The following AGAP9 variants were observed in gnomAD, a reference collection of about 807,000 sequenced individuals.
The protein encoded by AGAP9 is ArfGAP with GTPase domain, ankyrin repeat and PH domain 9.
AGAP9 carries 23 observed loss-of-function variants against 55.6 expected under a neutral mutation model. The observed-to-expected ratio is 0.41, with a 90% CI of 0.30 to 0.59. The LOEUF (loss-of-function observed/expected upper bound fraction) is 0.59. Ranked by LOEUF, AGAP9 falls within the 20% of genes least tolerant of loss-of-function variation. The probability of loss-of-function intolerance (pLI) is 0.25; values close to 1 mark genes in which losing one functional copy is unlikely to be tolerated. For missense variants in AGAP9, 309 were observed against 808.1 expected (o/e 0.38, Z 7.49); for synonymous variants, 120 against 305.0 (o/e 0.39, Z 6.32).
In AGAP9 at chr10:47,507,698, C is replaced by G; in HGVS notation, c.498-115G>C. On this transcript the variant is annotated intron_variant, in intron 5 of 7. Transcript: ENST00000452145. ...CTAGCGGCCCTGAAATTCAAATCTT[C>G]TAGTTCAGAACAGTACCATAAGGGC... The G allele has an allele frequency of 1.1e-5, 10 of 877,772 alleles. 2 individuals are homozygous for G. Among genetic ancestry groups the G allele is most frequent in the South Asian group, 1.1e-4 (8 of 70,550 alleles). The allele number at this position is 877,772 out of a possible 1,614,324, so 54.4% of individuals were successfully genotyped here.
At chr10:47,505,404 C>A (rs1278304935) in intron 6 of AGAP9, among the ~76,000 whole-genome samples, 1 of 114,080 alleles carries the variant, frequency 8.8e-6, no homozygotes, top group Admixed American at 9.8e-5. Flanking sequence ...TTCTTAAGAA[C>A]GTCTTTGATG....
At chr10:47,516,201 GA>G (rs1840712983) in intron 4 of AGAP9, among the ~76,000 whole-genome samples, 1 of 70,780 alleles carries the variant, frequency 1.4e-5, no homozygotes, top group South Asian at 5.1e-4. Flanking sequence ...AAGTAACAGA[GA>G]AAATAAAAAA....
At chr10:47,519,456 A>G (rs1840779755) in intron 3 of AGAP9, among the ~76,000 whole-genome samples, 1 of 119,224 alleles carries the variant, frequency 8.4e-6, no homozygotes, top group African/African-American at 3.3e-5. Context: ...CAACAGAGTG[A>G]GACTCCATTT....
At chr10:47,520,795 A>T (rs1393492738) in intron 2 of AGAP9, among the ~76,000 whole-genome samples, 1 of 100,598 alleles carries the variant, frequency 9.9e-6, no homozygotes, top group East Asian at 5.1e-4. Context: ...CAGGTCAGGA[A>T]GTTGAGGCCA....
At chr10:47,519,176 C>G (rs1222532196) in intron 3 of AGAP9, among the ~76,000 whole-genome samples, 1 of 136,342 alleles carries the variant, frequency 7.3e-6, no homozygotes, top group Non-Finnish European at 1.5e-5. Flanking sequence ...ATTTAAAAGG[C>G]TGTGGTACTG....
intron 2 of AGAP9, among the ~76,000 whole-genome samples, chr10:47,522,093 G>A (rs1261327345): frequency 6.7e-5 from 10 of 149,428 alleles, no homozygotes; most frequent in African/African-American, 2.5e-4. Context: ...AGCCAAAACT[G>A]TAACTTTCTT....
rs1317650313 is a variant in AGAP9, at chr10:47,521,012, A to C, written c.293-445T>G. 2.8e-5 allele frequency among the ~76,000 whole-genome samples: 3 copies of C among 108,594 alleles called. No individual in the cohort carries two copies. The East Asian group carries it at 1.3e-3, about 45-fold the overall frequency. The allele number at this position is 108,594 out of a possible 152,430, so 71.2% of individuals were successfully genotyped here. A position where few individuals can be genotyped will look rare whatever the true frequency, so the allele number is the denominator to read the frequency against. ...TTTAAAATTTTTAAAAAGTAAATTCATCATATCTGTCACTTCCATTTCATT... is the reference window on the plus strand; with the variant it reads ...TTTAAAATTTTTAAAAAGTAAATTCCTCATATCTGTCACTTCCATTTCATT... On this transcript the variant is annotated intron_variant, in intron 2 of 7. Coordinates refer to ENST00000452145, the MANE Select transcript of AGAP9 (RefSeq NM_001190810.1).
In AGAP9 at chr10:47,522,031, C is replaced by G. The variant is rs1434124117; in HGVS notation, c.292+835G>C. On this transcript the variant is annotated intron_variant, in intron 2 of 7. Coordinates refer to ENST00000452145, the MANE Select transcript of AGAP9 (RefSeq NM_001190810.1). ...CGAACTCCTGACCTCAGGTGATCCG[C>G]CTGCCACAGCCTCCCAAAGTGCTGG... Among the ~76,000 whole-genome samples the G allele has an allele frequency of 5.3e-4, 80 of 150,946 alleles. 1 individual carries two copies. The highest frequency in any genetic ancestry group is 1.9e-3 in the African/African-American group (78 of 40,532).
chr10:47,502,205 G>A lies in AGAP9; in HGVS notation c.1924C>T (p.Leu642Phe), dbSNP rs1205375947. The A allele has an allele frequency of 1.8e-4, 273 of 1,542,974 alleles. 44 individuals are homozygous for A. The highest frequency in any genetic ancestry group is 2.3e-4 in the Non-Finnish European group (267 of 1,142,916). Residue 642 changes from leucine (L) to phenylalanine (F), a missense_variant, in exon 8 of 8, where the codon CTC (leucine) becomes TTC (phenylalanine). Transcript: ENST00000452145. ...GGCCATGACGTCCACCCCGTCAGGA[G>A]CTGCTCCAGGACCACATTCCCCTTG... ...CRKGNVVLEQ[L>F]LTGWTSWPEM...
chr10:47,515,923 G>C (rs1164185622), intron 4 of AGAP9, among the ~76,000 whole-genome samples: 1 of 118,352 alleles, frequency 8.4e-6, no homozygotes, highest in South Asian at 2.9e-4. Flanking sequence ...ACATTGGAGG[G>C]AAGCCTCCAA....
At chr10:47,521,954 TA>T (rs1158790217) in intron 2 of AGAP9, among the ~76,000 whole-genome samples, 1 of 150,566 alleles carries the variant, frequency 6.6e-6, no homozygotes, top group African/African-American at 2.5e-5. Context: ...CTAATTTTTG[TA>T]TTTTCTTTTT....
rs1170568684 is a variant in AGAP9 at position 47,502,178 on chromosome 10, C to T, written c.1951G>A (p.Glu651Lys). The T allele has an allele frequency of 1.0e-5, 16 of 1,547,668 alleles. 5 individuals are homozygous for T. The East Asian group carries it at 2.5e-4, about 24-fold the overall frequency. The change falls in exon 8 of 8, where the codon GAG (glutamate) becomes AAG (lysine). Residue 651 changes from glutamate to lysine, a missense_variant. Coordinates refer to ENST00000452145, the MANE Select transcript of AGAP9 (RefSeq NM_001190810.1). ...CAGCGCTGTGTTCCCGTGGGCATCT[C>T]GGGCCATGACGTCCACCCCGTCAGG... The part of the protein sequence containing the change: ...QLLTGWTSWP[E>K]MPTGTQR
rs1209863939 is a variant in AGAP9, at chr10:47,511,304, C to T, written c.397-1033G>A. On this transcript the variant is annotated intron_variant, in intron 4 of 7. Coordinates refer to ENST00000452145, the MANE Select transcript of AGAP9 (RefSeq NM_001190810.1). ...ATTAAATAATCCTGCTACAAGAGCA[C>T]TTTATTGCAGTGAATACAAGACTAA... Among the ~76,000 whole-genome samples the T allele has an allele frequency of 1.3e-4, 19 of 142,298 alleles. 4 individuals are homozygous for T. The highest frequency in any genetic ancestry group is 1.4e-4 in the Admixed American group (2 of 13,950). The allele number at this position is 142,298 out of a possible 152,430, so 93.4% of individuals were successfully genotyped here.
Position 47,502,242 on chromosome 10 carries a change from A to T in AGAP9, c.1887T>A (p.His629Gln). 1 of 1,591,238 alleles carries T rather than the reference A, an allele frequency of 6.3e-7. No homozygotes were observed. The highest frequency in any genetic ancestry group is 8.5e-7 in the Non-Finnish European group (1 of 1,173,146). The change falls in exon 8 of 8, where the codon CAT becomes CAA. Residue 629 changes from histidine (H) to glutamine (Q), a missense_variant. Coordinates refer to ENST00000452145, the MANE Select transcript of AGAP9 (RefSeq NM_001190810.1). ...CCACATTCCCCTTGCGGCAGGCCAG[A>T]TGGAGTGCCGTGCAGCCGTCTCCCT... ...CGEGDGCTAL[H>Q]LACRKGNVVL... is the part of the protein sequence containing the mutation.
Position 47,503,372 on chromosome 10 carries a change from G to C in AGAP9, c.757C>G (p.Leu253Val). 1 of 1,609,724 alleles carries C rather than the reference G, an allele frequency of 6.2e-7. No individual in the cohort carries two copies. The highest frequency in any genetic ancestry group is 8.5e-7 in the Non-Finnish European group (1 of 1,179,530). ...VCKRSMRWSN[L>V]FTSEKGSDPD... ...TCACTCCCTTTCTCAGATGTAAACA[G>C]GTTGGACCAGCGCATGGACCGCTTG... is the stretch of plus-strand genomic sequence containing the variant. The change falls in exon 8 of 8, where the codon CTG becomes GTG. Residue 253 changes from leucine to valine, a missense_variant. Leu to Val is a conservative substitution (Grantham distance 32). Transcript: ENST00000452145.
chr10:47,522,610 ATTT>A (rs1840872162), intron 2 of AGAP9, among the ~76,000 whole-genome samples: 1 of 135,158 alleles, frequency 7.4e-6, no homozygotes, highest in Admixed American at 7.4e-5. Flanking sequence ...CTCCATTCTG[ATTT>A]TAAATAAGAA....
In AGAP9 at chr10:47,502,179, G is replaced by A. The variant is rs1411247848; in HGVS notation, c.1950C>T (p.Pro650=). The A allele has an allele frequency of 2.3e-5, 35 of 1,547,570 alleles. 4 individuals are homozygous for A. The highest frequency in any genetic ancestry group is 1.4e-4 in the African/African-American group (10 of 69,690). Residue 650 remains proline, a synonymous_variant, in exon 8 of 8, where the codon CCC becomes CCT. Coordinates refer to ENST00000452145, the MANE Select transcript of AGAP9 (RefSeq NM_001190810.1). ...AGCGCTGTGTTCCCGTGGGCATCTCGGGCCATGACGTCCACCCCGTCAGGA... is the reference window on the plus strand; with the variant it reads ...AGCGCTGTGTTCCCGTGGGCATCTCAGGCCATGACGTCCACCCCGTCAGGA... ...EQLLTGWTSW[P]EMPTGTQR
rs1268984883 is a variant in AGAP9, at chr10:47,510,967, G to A, written c.397-696C>T. Among the ~76,000 whole-genome samples, 115 of 127,482 alleles carry A rather than the reference G, an allele frequency of 9.0e-4. 9 individuals are homozygous for A. Among genetic ancestry groups the A allele is most frequent in the African/African-American group, 3.3e-3 (109 of 32,976 alleles). 83.6% of individuals were successfully genotyped at this position (127,482 alleles called of 152,430 possible). ...TTATTTATTTATTTATTTTTGAGAC[G>A]GAGTCTCGCTCTGTAGCCCAGGCTG... On this transcript the variant is annotated intron_variant, in intron 4 of 7. Transcript: ENST00000452145.
At chr10:47,510,349 C>T (rs1451094083) in intron 4 of AGAP9, 78 bp from the exon 5 acceptor site, 1 of 1,234,700 alleles carries the variant, frequency 8.1e-7, no homozygotes, top group African/African-American at 1.6e-5. Context: ...TGACAAAGCA[C>T]TAAGATATGT....
Sources: allele counts gnomAD v4.1 joint callset (sites outside exome capture counted in the v4.1 genomes callset), GRCh38; gene constraint gnomAD v4.1.1; transcripts MANE v1.5; gene names NCBI Gene and HGNC (gene_info 2026-07-23, HGNC 2026-07-21).